Variants in MAPKAP1 observed in about 807,000 individuals in gnomAD.
MAPKAP1 encodes target of rapamycin complex 2 subunit MAPKAP1.
Under a neutral mutation model 65.7 loss-of-function variants are expected in MAPKAP1, and 20 were observed. The observed-to-expected ratio is 0.30, with a 90% CI of 0.21 to 0.44. The LOEUF is 0.44. Ranked by LOEUF, MAPKAP1 falls within the 20% of genes least tolerant of loss-of-function variation. The pLI, the probability that MAPKAP1 is intolerant of heterozygous loss-of-function variation, is 1.00. For synonymous variants in MAPKAP1, 222 were observed against 244.3 expected (o/e 0.91, Z 0.85); for missense variants, 423 against 648.0 (o/e 0.65, Z 3.77).
chr9:125,450,138 C>G (rs1852888217), intron 10 of MAPKAP1, among the ~76,000 whole-genome samples: 1 of 152,124 alleles, frequency 6.6e-6, no homozygotes, highest in South Asian at 2.1e-4. Context: ...AAGGGAGGGT[C>G]TCTTCTAACA....
intron 1 of MAPKAP1, among the ~76,000 whole-genome samples, chr9:125,682,925 C>G (rs1343310394): frequency 6.6e-6 from 1 of 151,484 alleles, no homozygotes; most frequent in Non-Finnish European, 1.5e-5. Context: ...CATGGATCTT[C>G]TGAGGGTGGA....
chr9:125,584,422 AG>A (rs1831717765), intron 5 of MAPKAP1, among the ~76,000 whole-genome samples: 1 of 152,192 alleles, frequency 6.6e-6, no homozygotes, highest in Non-Finnish European at 1.5e-5. Flanking sequence ...AAAATGTGAA[AG>A]GGGAAGAGAA....
At chr9:125,573,582 G>A (rs758406291) in intron 5 of MAPKAP1, among the ~76,000 whole-genome samples, 4 of 152,190 alleles carry the variant, frequency 2.6e-5, no homozygotes, top group Non-Finnish European at 5.9e-5. Context: ...ATTTTGCACT[G>A]TGGGATCACC....
chr9:125,523,174 C>G (rs1936885408), intron 7 of MAPKAP1, among the ~76,000 whole-genome samples: 1 of 152,172 alleles, frequency 6.6e-6, no homozygotes, highest in Non-Finnish European at 1.5e-5. Flanking sequence ...AGTTAACTGT[C>G]CTTGCTCCTG....
At chr9:125,523,086 G>T (rs574636904) in intron 7 of MAPKAP1, among the ~76,000 whole-genome samples, 2 of 152,258 alleles carry the variant, frequency 1.3e-5, no homozygotes, top group South Asian at 4.1e-4. Flanking sequence ...CAAGGCAATA[G>T]GATTTCTACA....
Position 125,707,132 on chromosome 9 carries a change from G to C in MAPKAP1, c.-231C>G, listed in dbSNP as rs1378655210. On this transcript the variant is annotated 5_prime_UTR_variant, in exon 1 of 12. Transcript: ENST00000265960. ...GGCCCGCTCAGCTGCCGCTTCCCGG[G>C]TTAGCCCTCATGCCCCTGCTGCTCG... 2.5e-6 allele frequency: 1 copy of C among 398,256 alleles called. No individual in the cohort carries two copies. Among genetic ancestry groups the C allele is most frequent in the African/African-American group, 2.1e-5 (1 of 48,632 alleles). 24.7% of individuals were successfully genotyped at this position (398,256 alleles called of 1,614,324 possible). A position where few individuals can be genotyped will look rare whatever the true frequency, so the allele number is the denominator to read the frequency against.
chr9:125,532,836 T>G (rs1405217537), intron 7 of MAPKAP1, among the ~76,000 whole-genome samples: 1 of 152,250 alleles, frequency 6.6e-6, no homozygotes, highest in East Asian at 1.9e-4. Context: ...CTAAGTGCTA[T>G]GTACATGTAC....
At chr9:125,502,409 C>T (rs2133074794) in intron 8 of MAPKAP1, among the ~76,000 whole-genome samples, 1 of 152,266 alleles carries the variant, frequency 6.6e-6, no homozygotes, top group African/African-American at 2.4e-5. Flanking sequence ...CTCAGCCTTT[C>T]TTCTTTTGTG....
In MAPKAP1 at chr9:125,678,248, T is replaced by A. The variant is rs906615940; in HGVS notation, c.-69-5605A>T. Among the ~76,000 whole-genome samples the A allele has an allele frequency of 4.8e-4, 71 of 147,724 alleles. 1 individual carries two copies. Among genetic ancestry groups the A allele is most frequent in the South Asian group, 4.7e-4 (2 of 4,236 alleles). Reference sequence around the variant, plus strand: ...AGGCATTTTTATTTTATTTTATTTTTATTTATTTTTTTTTGAGACAGAGTC... The same window carrying A: ...AGGCATTTTTATTTTATTTTATTTTAATTTATTTTTTTTTGAGACAGAGTC... On this transcript the variant is annotated intron_variant, in intron 1 of 11. Transcript: ENST00000265960.
intron 6 of MAPKAP1, among the ~76,000 whole-genome samples, chr9:125,547,400 G>T (rs1224154130): frequency 2.0e-5 from 3 of 152,156 alleles, no homozygotes. Context: ...TCTTGGTTCC[G>T]TGGCTAACGG....
At position 125,543,163 on chromosome 9, in the gene MAPKAP1, G is replaced by A; in HGVS notation, c.854C>T (p.Ala285Val). The A allele has an allele frequency of 6.2e-7, 1 of 1,601,508 alleles. No individual in the cohort carries two copies. Among genetic ancestry groups the A allele is most frequent in the Non-Finnish European group, 8.6e-7 (1 of 1,168,456 alleles). Reference protein sequence around the residue: ...SKESLFVRINAAHGFSLIQVD... With the variant: ...SKESLFVRINVAHGFSLIQVD... ...CTGAATAAGGGAGAATCCATGAGCAGCATTTCTGTAGGAAAAGACAAATAT... is the reference window on the plus strand; with the variant it reads ...CTGAATAAGGGAGAATCCATGAGCAACATTTCTGTAGGAAAAGACAAATAT... The change falls in exon 7 of 12, where the codon GCT becomes GTT. Residue 285 changes from alanine (A) to valine (V), a missense_variant. Coordinates refer to ENST00000265960, the MANE Select transcript of MAPKAP1 (RefSeq NM_001006617.3).
At chr9:125,654,701 C>A (rs977356049) in intron 4 of MAPKAP1, among the ~76,000 whole-genome samples, 3 of 152,140 alleles carry the variant, frequency 2.0e-5, no homozygotes, top group African/African-American at 7.2e-5. Flanking sequence ...TAATTTAGCA[C>A]AACAGCTAAG....
chr9:125,571,744 T>C (rs1415656639), intron 5 of MAPKAP1, among the ~76,000 whole-genome samples: 1 of 152,032 alleles, frequency 6.6e-6, no homozygotes, highest in Non-Finnish European at 1.5e-5. Flanking sequence ...ATGCCTGTAA[T>C]CCCAGCTATT....
chr9:125,656,983 A>G (rs1834050730), intron 4 of MAPKAP1, among the ~76,000 whole-genome samples: 1 of 152,200 alleles, frequency 6.6e-6, no homozygotes, highest in African/African-American at 2.4e-5. Flanking sequence ...AAACAAAGTT[A>G]GCCTCCATAG....
At chr9:125,619,720 T>C (rs1484947633) in intron 4 of MAPKAP1, among the ~76,000 whole-genome samples, 2 of 151,912 alleles carry the variant, frequency 1.3e-5, no homozygotes, top group African/African-American at 2.4e-5. Context: ...TGCAAGACAT[T>C]TGAAAAAAAA....
At chr9:125,613,187 G>T (rs766182466) in intron 4 of MAPKAP1, among the ~76,000 whole-genome samples, 16 of 152,126 alleles carry the variant, frequency 1.1e-4, no homozygotes, top group Non-Finnish European at 2.1e-4. Flanking sequence ...CCAAAGAAAC[G>T]AAGTCCAACG....
intron 4 of MAPKAP1, among the ~76,000 whole-genome samples, chr9:125,599,635 G>A (rs1272235735): frequency 7.4e-6 from 1 of 135,710 alleles, no homozygotes; most frequent in Non-Finnish European, 1.5e-5. Context: ...ATGGAGTCTT[G>A]CTCTGTTGCC....
chr9:125,532,597 GCCTTTTCC>G (rs971134721), intron 7 of MAPKAP1, among the ~76,000 whole-genome samples: 4 of 152,180 alleles, frequency 2.6e-5, no homozygotes, highest in Admixed American at 2.6e-4. Flanking sequence ...GTTGGTTGCA[GCCTTTTCC>G]CCACTTGCTA....
chr9:125,689,434 CGG>C (rs1481038646), intron 1 of MAPKAP1, among the ~76,000 whole-genome samples: 140 of 60,960 alleles, frequency 2.3e-3, no homozygotes, highest in Middle Eastern at 0.014. Flanking sequence ...GACTCCATCT[CGG>C]AAAAAAAAAA....
Sources: allele counts gnomAD v4.1 joint callset (sites outside exome capture counted in the v4.1 genomes callset), GRCh38; gene constraint gnomAD v4.1.1; transcripts MANE v1.5; gene names NCBI Gene and HGNC (gene_info 2026-07-23, HGNC 2026-07-21).